Variants in AGBL4 observed in about 807,000 individuals in gnomAD.
AGBL4 encodes the protein cytosolic carboxypeptidase 6.
Under a neutral mutation model 66.4 loss-of-function variants are expected in AGBL4, and 58 were observed. The observed-to-expected ratio is 0.87, with a 90% CI of 0.71 to 1.09. AGBL4 has a LOEUF of 1.09. Among genes scored for constraint, AGBL4 ranks in the 50% least tolerant of loss-of-function variants. The pLI, the probability that AGBL4 is intolerant of heterozygous loss-of-function variation, is 0.00. For missense variants in AGBL4, 579 were observed against 631.0 expected (o/e 0.92, Z 0.88); for synonymous variants, 234 against 222.9 (o/e 1.05, Z -0.44).
At chr1:49,826,866 T>C (rs534448155) in intron 2 of AGBL4, among the ~76,000 whole-genome samples, 1 of 152,264 alleles carries the variant, frequency 6.6e-6, no homozygotes, top group South Asian at 2.1e-4. Flanking sequence ...AAAAGAAATA[T>C]TAGTAAAACT....
At chr1:49,255,726 A>G (rs1399063007) in intron 3 of AGBL4, among the ~76,000 whole-genome samples, 6 of 152,202 alleles carry the variant, frequency 3.9e-5, no homozygotes, top group African/African-American at 1.2e-4. Context: ...TGTTCATTGC[A>G]GCACTGTTCA....
intron 3 of AGBL4, among the ~76,000 whole-genome samples, chr1:49,436,702 T>C (rs927104724): frequency 1.3e-5 from 2 of 152,164 alleles, no homozygotes; most frequent in African/African-American, 4.8e-5. Flanking sequence ...TTTTTAAAAA[T>C]ATTTCACAGA....
intron 4 of AGBL4, among the ~76,000 whole-genome samples, chr1:49,197,713 A>G (rs890730874): frequency 6.6e-6 from 1 of 152,154 alleles, no homozygotes; most frequent in Non-Finnish European, 1.5e-5. Context: ...CTTTCAGTCT[A>G]CAAGGCTGCC....
chr1:48,553,965 G>A lies in AGBL4; in HGVS notation c.1268-14227C>T, dbSNP rs886510733. On this transcript the variant is annotated intron_variant, in intron 11 of 13. Transcript: ENST00000371839. ...ATTAACTTAACTAGAAAACCTCAAA[G>A]AGTCCTGTGGCCCAAGTCTGCTGCA... is the stretch of plus-strand genomic sequence containing the variant. Among the ~76,000 whole-genome samples, 3 of 152,306 alleles carry A rather than the reference G, an allele frequency of 2.0e-5. No homozygotes were observed. The South Asian group carries it at 6.2e-4, about 32-fold the overall frequency.
intron 1 of AGBL4, among the ~76,000 whole-genome samples, chr1:49,987,250 A>G (rs887417493): frequency 1.2e-4 from 18 of 152,120 alleles, no homozygotes; most frequent in Non-Finnish European, 2.2e-4. Context: ...AGTCTCAATC[A>G]TAAGAGTTTT....
At chr1:49,008,523 G>A (rs1188908363) in intron 5 of AGBL4, among the ~76,000 whole-genome samples, 30 of 147,576 alleles carry the variant, frequency 2.0e-4, no homozygotes, top group South Asian at 1.8e-3. Flanking sequence ...TGCACCAAGC[G>A]GACCTAATAG....
chr1:49,851,295 A>G (rs1646297304), intron 2 of AGBL4, 101 bp downstream of exon 2: 58 of 1,251,386 alleles, frequency 4.6e-5, no homozygotes, highest in Non-Finnish European at 5.8e-5. Context: ...GTGAAATATT[A>G]AATGAGTTGA....
chr1:49,178,172 T>C (rs907690209), intron 4 of AGBL4, among the ~76,000 whole-genome samples: 1 of 152,174 alleles, frequency 6.6e-6, no homozygotes, highest in Non-Finnish European at 1.5e-5. Context: ...TTTGTGACTT[T>C]GAGCAAATGA....
chr1:48,631,547 C>G (rs1485113995), intron 9 of AGBL4, among the ~76,000 whole-genome samples: 1 of 152,142 alleles, frequency 6.6e-6, no homozygotes. Flanking sequence ...TGTGCCACCA[C>G]ACCTGGCTAA....
At chr1:49,640,378 G>C (rs1360995045) in intron 3 of AGBL4, among the ~76,000 whole-genome samples, 1 of 152,112 alleles carries the variant, frequency 6.6e-6, no homozygotes, top group Admixed American at 6.6e-5. Flanking sequence ...CAGGGCCTTT[G>C]AAACAGCTAA....
intron 2 of AGBL4, among the ~76,000 whole-genome samples, chr1:49,732,059 C>T (rs1345047006): frequency 6.6e-6 from 1 of 152,134 alleles, no homozygotes; most frequent in Non-Finnish European, 1.5e-5. Context: ...TTGAAGAGGT[C>T]TTACTCAATT....
At chr1:48,981,770 C>A (rs1659792513) in intron 5 of AGBL4, among the ~76,000 whole-genome samples, 1 of 152,136 alleles carries the variant, frequency 6.6e-6, no homozygotes. Flanking sequence ...TTGGAATCTA[C>A]TACTGTAATC....
rs185119595 is a variant in AGBL4 at position 49,226,530 on chromosome 1, G to T, written c.377+19240C>A. 3.7e-3 allele frequency among the ~76,000 whole-genome samples: 567 copies of T among 152,202 alleles called. 2 individuals carry two copies. Among genetic ancestry groups the T allele is most frequent in the Non-Finnish European group, 5.8e-3 (396 of 68,012 alleles). ...GTCTCTCCTGATCTCCATATTTATAGGTTTGACTGCAGCTGGATTCTTTTA... is the reference window on the plus strand; with the variant it reads ...GTCTCTCCTGATCTCCATATTTATATGTTTGACTGCAGCTGGATTCTTTTA... On this transcript the variant is annotated intron_variant, in intron 4 of 13. Transcript: ENST00000371839.
At position 49,207,548 on chromosome 1, in the gene AGBL4, T is replaced by TTCTTTCTC. The variant is rs1395035065; in HGVS notation, c.377+38221_377+38222insGAGAAAGA. 4.4e-5 allele frequency among the ~76,000 whole-genome samples: 5 copies of TTCTTTCTC among 114,836 alleles called. 1 individual carries two copies. Among genetic ancestry groups the TTCTTTCTC allele is most frequent in the African/African-American group, 1.9e-4 (5 of 26,804 alleles). The allele number at this position is 114,836 out of a possible 152,430, so 75.3% of individuals were successfully genotyped here. ...CTCTCTTTCTTTTTCTTTCTTTTCT[T>TTCTTTCTC]TCTTTCTTTCTTTCTTTCTTTCTTT... On this transcript the variant is annotated intron_variant, in intron 4 of 13. Transcript: ENST00000371839.
At chr1:49,370,174 T>C (rs1644313806) in intron 3 of AGBL4, among the ~76,000 whole-genome samples, 1 of 148,152 alleles carries the variant, frequency 6.7e-6, no homozygotes, top group African/African-American at 2.5e-5. Context: ...AATATATAAT[T>C]GTATGAGCCA....
chr1:49,965,105 A>G (rs1330131196), intron 1 of AGBL4, among the ~76,000 whole-genome samples: 1 of 152,188 alleles, frequency 6.6e-6, no homozygotes, highest in Non-Finnish European at 1.5e-5. Flanking sequence ...TACTATTGAA[A>G]TTATTACATT....
intron 5 of AGBL4, among the ~76,000 whole-genome samples, chr1:48,984,695 A>G (rs1343972103): frequency 6.6e-6 from 1 of 151,772 alleles, no homozygotes; most frequent in Non-Finnish European, 1.5e-5. Flanking sequence ...ATGAAACACA[A>G]TTTGAGACAT....
intron 11 of AGBL4, among the ~76,000 whole-genome samples, chr1:48,557,414 C>T (rs1303005270): frequency 6.6e-6 from 1 of 152,082 alleles, no homozygotes; most frequent in African/African-American, 2.4e-5. Context: ...ATGTCACACA[C>T]TCCAGAAGGT....
chr1:48,795,265 A>T (rs1645645462), intron 6 of AGBL4, among the ~76,000 whole-genome samples: 2 of 152,120 alleles, frequency 1.3e-5, no homozygotes. Flanking sequence ...ATAAAGTCCC[A>T]CCTGATTTTA....
Sources: allele counts gnomAD v4.1 joint callset (sites outside exome capture counted in the v4.1 genomes callset), GRCh38; gene constraint gnomAD v4.1.1; transcripts MANE v1.5; gene names NCBI Gene and HGNC (gene_info 2026-07-23, HGNC 2026-07-21).